SGCE: variants seen among roughly 807,000 people sequenced by gnomAD.
The protein encoded by SGCE is epsilon-sarcoglycan.
A neutral mutation model predicts 57.8 loss-of-function variants in SGCE; 26 were observed. That is an observed-to-expected ratio of 0.45 (90% CI 0.33 to 0.62). The LOEUF is 0.62. SGCE is among the 20% of genes least tolerant of loss of function. The pLI is 0.02. For synonymous variants in SGCE, 183 were observed against 189.5 expected (o/e 0.97, Z 0.28); for missense variants, 468 against 548.6 (o/e 0.85, Z 1.47).
rs1798800622 is a variant in SGCE, at chr7:94,598,876, C to CA, written c.1151dup (p.Ser385ValfsTer23). 6.2e-7 allele frequency: 1 copy of CA among 1,613,418 alleles called. No homozygotes were observed. ...CAGGGTGGAACACAGGAAGCGTTGA[C>CA]AGGGGCCATGCTATCTCTCTATTCT... On this transcript the variant is annotated frameshift_variant, in exon 9 of 11. Transcript: ENST00000648936. LOFTEE classifies it high-confidence loss of function.
intron 5 of SGCE, among the ~76,000 whole-genome samples, chr7:94,614,697 G>A (rs1801616671): frequency 6.6e-6 from 1 of 152,096 alleles, no homozygotes; most frequent in Non-Finnish European, 1.5e-5. Flanking sequence ...TGAGAGAGGA[G>A]CCCTCTCTGT....
intron 9 of SGCE, chr7:94,597,992 A>G: frequency 6.0e-6 from 1 of 167,954 alleles, no homozygotes; most frequent in Non-Finnish European, 1.3e-5. Flanking sequence ...GGGCAACAGG[A>G]GCGAAACTCC....
intron 1 of SGCE, chr7:94,639,250 G>T: frequency 1.3e-6 from 1 of 795,014 alleles, no homozygotes; most frequent in Non-Finnish European, 2.0e-6. Context: ...ACAACAAAAA[G>T]CCACACATGA....
chr7:94,606,465 T>C (rs1327747770), intron 5 of SGCE, among the ~76,000 whole-genome samples: 1 of 152,086 alleles, frequency 6.6e-6, no homozygotes, highest in African/African-American at 2.4e-5. Flanking sequence ...TAACAGTGCA[T>C]CAAATTACAT....
At chr7:94,596,193 G>C (rs1798374213) in intron 9 of SGCE, among the ~76,000 whole-genome samples, 1 of 152,102 alleles carries the variant, frequency 6.6e-6, no homozygotes, top group Non-Finnish European at 1.5e-5. Flanking sequence ...GGAAGGACCA[G>C]AAAGATCCAT....
rs1463065030 is a variant in SGCE, at chr7:94,600,771, A to C, written c.912T>G (p.Pro304=). 6.2e-7 allele frequency: 1 copy of C among 1,613,688 alleles called. No homozygotes were observed. ...AGTCTCTGCTTTTCAAAGAATCAGA[A>C]GGGGGTTTGTATTCTCCACCATCAG... ...ILPDGGEYKP[P]SDSLKSRDYY... The change falls in exon 7 of 11, where the codon CCT becomes CCG. Residue 304 remains proline (P), a synonymous_variant. Coordinates refer to ENST00000648936, the MANE Select transcript of SGCE (RefSeq NM_003919.3).
intron 5 of SGCE, among the ~76,000 whole-genome samples, chr7:94,603,800 T>TA (rs1181772421): frequency 1.3e-5 from 2 of 152,168 alleles, no homozygotes; most frequent in African/African-American, 4.8e-5. Flanking sequence ...ATATTTACAT[T>TA]AAAACATTAT....
intron 1 of SGCE, among the ~76,000 whole-genome samples, chr7:94,652,100 C>A (rs898106402): frequency 6.6e-6 from 1 of 151,958 alleles, no homozygotes; most frequent in Non-Finnish European, 1.5e-5. Context: ...TCTGTCTCTG[C>A]TGGGGAGGTT....
chr7:94,601,470 A>AAAAAAAAC (rs1562807733), intron 6 of SGCE, among the ~76,000 whole-genome samples: 1 of 130,092 alleles, frequency 7.7e-6, no homozygotes, highest in African/African-American at 2.7e-5. Context: ...AAAAAAAAAA[A>AAAAAAAAC]AAAAAACTAC....
chr7:94,631,299 T>C (rs1307324520), intron 1 of SGCE, among the ~76,000 whole-genome samples: 2 of 119,936 alleles, frequency 1.7e-5, no homozygotes, highest in Admixed American at 7.5e-5. Context: ...AATTTTATAC[T>C]TTTTTTTTTT....
At chr7:94,650,178 A>T (rs371245325) in intron 1 of SGCE, among the ~76,000 whole-genome samples, 27 of 152,322 alleles carry the variant, frequency 1.8e-4, no homozygotes, top group East Asian at 1.4e-3. Context: ...TGATAAAAAT[A>T]TTTTATTTTG....
At chr7:94,646,540 T>C (rs904533414) in intron 1 of SGCE, among the ~76,000 whole-genome samples, 3 of 152,200 alleles carry the variant, frequency 2.0e-5, no homozygotes, top group Admixed American at 2.0e-4. Context: ...ATATGCACCA[T>C]TACAATTTAA....
intron 9 of SGCE, among the ~76,000 whole-genome samples, chr7:94,592,244 C>T (rs373511085): frequency 1.1e-4 from 16 of 152,280 alleles, no homozygotes; most frequent in African/African-American, 3.1e-4. Flanking sequence ...TACTTTATAA[C>T]AGCACTGCTT....
chr7:94,617,197 C>T (rs1802062320), intron 5 of SGCE: 1 of 152,144 alleles, frequency 6.6e-6, no homozygotes. Flanking sequence ...TAGTAATGTT[C>T]TATTGGCAAT....
chr7:94,650,387 A>G (rs1418955093), intron 1 of SGCE, among the ~76,000 whole-genome samples: 1 of 152,134 alleles, frequency 6.6e-6, no homozygotes, highest in East Asian at 1.9e-4. Flanking sequence ...ACAGAGCAAG[A>G]AATTCCAGGA....
intron 3 of SGCE, chr7:94,626,987 T>TTGCATTTATATATTTCTTTTATAA (rs1201662256): frequency 6.6e-6 from 1 of 152,046 alleles, no homozygotes. Context: ...ATGTGGTGAA[T>TTGCATTTATATATTTCTTTTATAA]TGCATTTATA....
Position 94,629,770 on chromosome 7 carries a change from C to T in SGCE, c.181G>A (p.Val61Ile). The T allele has an allele frequency of 6.2e-7, 1 of 1,611,226 alleles. No homozygotes were observed. The highest frequency in any genetic ancestry group is 8.5e-7 in the Non-Finnish European group (1 of 1,177,888). Reference sequence around the variant, plus strand: ...CCCTTAAAATATTCTCTTTCCAAAACATGAACAAAGAGGACACCTGCTGAT... The same window carrying T: ...CCCTTAAAATATTCTCTTTCCAAAATATGAACAAAGAGGACACCTGCTGAT... ...YPSAGVLFVHVLEREYFKGEF... is the reference protein window; with the variant it reads ...YPSAGVLFVHILEREYFKGEF... The change falls in exon 2 of 11, where the codon GTT (valine) becomes ATT (isoleucine). Residue 61 changes from valine (V) to isoleucine (I), a missense_variant. Physicochemically the swap from Val to Ile is conservative, Grantham distance 29. Coordinates refer to ENST00000648936, the MANE Select transcript of SGCE (RefSeq NM_003919.3).
chr7:94,595,668 C>T (rs1179897875), intron 9 of SGCE, among the ~76,000 whole-genome samples: 1 of 151,978 alleles, frequency 6.6e-6, no homozygotes, highest in Admixed American at 6.6e-5. Flanking sequence ...CTACTCAGTG[C>T]TGAAGTAAAA....
At chr7:94,614,291 G>T (rs1801552867) in intron 5 of SGCE, among the ~76,000 whole-genome samples, 1 of 151,672 alleles carries the variant, frequency 6.6e-6, no homozygotes, top group African/African-American at 2.4e-5. Context: ...GATGCTATTG[G>T]GTCCCCTAAA....
Sources: allele counts gnomAD v4.1 joint callset (sites outside exome capture counted in the v4.1 genomes callset), GRCh38; gene constraint gnomAD v4.1.1; transcripts MANE v1.5; gene names NCBI Gene and HGNC (gene_info 2026-07-23, HGNC 2026-07-21).